The following GDPD5 variants were observed in gnomAD, a reference collection of about 807,000 sequenced individuals.
The protein encoded by GDPD5 is glycerophosphodiester phosphodiesterase domain containing 5, also known as glycerophosphodiester phosphodiesterase 2.
A neutral mutation model predicts 75.1 loss-of-function variants in GDPD5; 48 were observed. That is an observed-to-expected ratio of 0.64 (90% CI 0.51 to 0.81). The LOEUF (loss-of-function observed/expected upper bound fraction) is 0.81, where lower values mean the gene tolerates loss of function less well. Ranked by LOEUF, GDPD5 falls within the 40% of genes least tolerant of loss-of-function variation. The pLI is 0.00. For synonymous variants in GDPD5, 336 were observed against 339.0 expected (o/e 0.99, Z 0.10); for missense variants, 706 against 822.6 (o/e 0.86, Z 1.73).
At position 75,497,575 on chromosome 11, in the gene GDPD5, G is replaced by T. The variant is rs185879516; in HGVS notation, c.-144-7255C>A. Among the ~76,000 whole-genome samples the T allele has an allele frequency of 2.6e-5, 4 of 152,260 alleles. No homozygotes were observed. The East Asian group carries it at 7.7e-4, about 29-fold the overall frequency. ...CTCTCGGCGCCTGCAGGTGCCCCAGGCCTCTGCAGTGGATTGTACGTTAAA... is the reference window on the plus strand; with the variant it reads ...CTCTCGGCGCCTGCAGGTGCCCCAGTCCTCTGCAGTGGATTGTACGTTAAA... On this transcript the variant is annotated intron_variant, in intron 1 of 16. Coordinates refer to ENST00000336898, the MANE Select transcript of GDPD5 (RefSeq NM_030792.8).
At chr11:75,477,466 A>G (rs1205472782) in intron 3 of GDPD5, among the ~76,000 whole-genome samples, 153 bp downstream of exon 3, 1 of 152,220 alleles carries the variant, frequency 6.6e-6, no homozygotes, top group African/African-American at 2.4e-5. Context: ...GAATTACTAT[A>G]AGCCCATTTT....
chr11:75,435,857 C>G (rs1386684886), intron 16 of GDPD5, among the ~76,000 whole-genome samples: 1 of 152,212 alleles, frequency 6.6e-6, no homozygotes, highest in South Asian at 2.1e-4. Context: ...CATCTGCTGT[C>G]CCCTGGGACT....
chr11:75,469,297 G>C lies in GDPD5; in HGVS notation c.118-6408C>G, dbSNP rs1033140606. On this transcript the variant is annotated intron_variant, in intron 3 of 16. Transcript: ENST00000336898. Reference sequence around the variant, plus strand: ...GGCTGTGGGGAACAGAGTCCTGTGTGAGCTCACCATGGCATTGGGGGTGGG... The same window carrying C: ...GGCTGTGGGGAACAGAGTCCTGTGTCAGCTCACCATGGCATTGGGGGTGGG... Among the ~76,000 whole-genome samples, 6 of 152,304 alleles carry C rather than the reference G, an allele frequency of 3.9e-5. No homozygotes were observed. The East Asian group carries it at 1.2e-3, about 29-fold the overall frequency.
chr11:75,439,069 G>A (rs1793405), intron 15 of GDPD5, among the ~76,000 whole-genome samples: 152,112 of 152,292 alleles, frequency 1, 75,966 homozygotes, highest in Middle Eastern at 1. Context: ...GTGCAGAGAG[G>A]GGCCAGGTCA....
At position 75,439,383 on chromosome 11, in the gene GDPD5, A is replaced by AG. The variant is rs1287972670; in HGVS notation, c.1556+495dup. The AG allele has an allele frequency of 1.3e-5, 6 of 456,182 alleles. No individual in the cohort carries two copies. The Admixed American group carries it at 1.4e-4, about 11-fold the overall frequency. 28.3% of individuals were successfully genotyped at this position (456,182 alleles called of 1,614,324 possible). A position where few individuals can be genotyped will look rare whatever the true frequency, so the allele number is the denominator to read the frequency against. ...TGAGATGCCAGAGTGCAGCAGAGAGAGGGGGAGGGGGAGAGAGGAGGGACA... is the reference window on the plus strand; with the variant it reads ...TGAGATGCCAGAGTGCAGCAGAGAGAGGGGGGAGGGGGAGAGAGGAGGGACA... On this transcript the variant is annotated intron_variant, in intron 15 of 16. Transcript: ENST00000336898.
At chr11:75,521,946 A>G (rs540617922) in intron 1 of GDPD5, among the ~76,000 whole-genome samples, 1 of 152,310 alleles carries the variant, frequency 6.6e-6, no homozygotes, top group African/African-American at 2.4e-5. Context: ...ACAGGCCGTA[A>G]GGAGCCACAG....
At chr11:75,436,394 C>G (rs1948625709) in intron 16 of GDPD5, among the ~76,000 whole-genome samples, 1 of 152,170 alleles carries the variant, frequency 6.6e-6, no homozygotes, top group African/African-American at 2.4e-5. Context: ...AAAGCACCTC[C>G]TCTGCATCCT....
At chr11:75,494,795 T>TA (rs1950180467) in intron 1 of GDPD5, among the ~76,000 whole-genome samples, 2 of 150,982 alleles carry the variant, frequency 1.3e-5, no homozygotes, top group Non-Finnish European at 3.0e-5. Flanking sequence ...CTACTAAACA[T>TA]AAAAAAAATA....
intron 6 of GDPD5, among the ~76,000 whole-genome samples, chr11:75,453,300 C>A (rs1478521957): frequency 6.6e-6 from 1 of 152,134 alleles, no homozygotes; most frequent in Non-Finnish European, 1.5e-5. Flanking sequence ...CCAGGGGAAC[C>A]AGAGACTCTC....
In GDPD5 at chr11:75,439,966, G is replaced by A. The variant is rs950099303; in HGVS notation, c.1474-5C>T. 1 of 1,609,940 alleles carries A rather than the reference G, an allele frequency of 6.2e-7. No individual in the cohort carries two copies. The highest frequency in any genetic ancestry group is 8.5e-7 in the Non-Finnish European group (1 of 1,177,006). On this transcript the variant is annotated splice_region_variant and splice_polypyrimidine_tract_variant and intron_variant, in intron 14 of 16. Coordinates refer to ENST00000336898, the MANE Select transcript of GDPD5 (RefSeq NM_030792.8). Reference sequence around the variant, plus strand: ...GAGACAGTACTCGTCCGGGGGCTGTGGACAGACGGCCCGAGGCCAACTTCC... The same window carrying A: ...GAGACAGTACTCGTCCGGGGGCTGTAGACAGACGGCCCGAGGCCAACTTCC...
chr11:75,463,127 T>A (rs1436370490), intron 3 of GDPD5, among the ~76,000 whole-genome samples: 1 of 152,180 alleles, frequency 6.6e-6, no homozygotes, highest in Non-Finnish European at 1.5e-5. Context: ...CCTCCCCCCC[T>A]GGGGCTGTGC....
At chr11:75,474,220 G>C (rs142727366) in intron 3 of GDPD5, among the ~76,000 whole-genome samples, 2 of 152,260 alleles carry the variant, frequency 1.3e-5, no homozygotes, top group Non-Finnish European at 2.9e-5. Flanking sequence ...AGAAGTGCAA[G>C]AATCGGCTAT....
Position 75,435,387 on chromosome 11 carries a change from G to T in GDPD5, c.*120C>A. On this transcript the variant is annotated 3_prime_UTR_variant, in exon 17 of 17. Coordinates refer to ENST00000336898, the MANE Select transcript of GDPD5 (RefSeq NM_030792.8). ...AGGCTGCGGCTGACAAGGGGCTGGA[G>T]CCCACAAGGAGGCTGTGGAGCCCGC... 3.2e-6 allele frequency: 3 copies of T among 927,422 alleles called. No individual in the cohort carries two copies. The highest frequency in any genetic ancestry group is 4.7e-6 in the Non-Finnish European group (3 of 633,444). The allele number at this position is 927,422 out of a possible 1,614,324, so 57.4% of individuals were successfully genotyped here.
At chr11:75,496,955 AT>A (rs980816469) in intron 1 of GDPD5, among the ~76,000 whole-genome samples, 7 of 150,678 alleles carry the variant, frequency 4.6e-5, no homozygotes, top group African/African-American at 1.7e-4. Flanking sequence ...AAATTTTTGT[AT>A]TTTTTTTGTA....
chr11:75,488,377 G>A (rs746630133), intron 2 of GDPD5, among the ~76,000 whole-genome samples: 2 of 152,166 alleles, frequency 1.3e-5, no homozygotes, highest in Non-Finnish European at 2.9e-5. Flanking sequence ...TGGTTCAGCT[G>A]CAGGGGCCAG....
intron 12 of GDPD5, among the ~76,000 whole-genome samples, chr11:75,442,067 C>G (rs2276442): frequency 0.039 from 5,950 of 152,330 alleles, 257 homozygotes; most frequent in African/African-American, 0.11. Flanking sequence ...GCCACTAGCA[C>G]CTAGTGTGCC....
Position 75,441,660 on chromosome 11 carries a change from G to A in GDPD5, c.1311C>T (p.Ser437=). The change falls in exon 13 of 17, where the codon TCC becomes TCT. Residue 437 remains serine, a synonymous_variant. Transcript: ENST00000336898. The part of the protein sequence containing the change: ...QRLNLRYTQV[S]RQELRDYASW... ...AGGGCAGGCACCTGAGCTCCTGGCGGGACACCTGAGTGTAGCGCAGGTTCA... is the reference window on the plus strand; with the variant it reads ...AGGGCAGGCACCTGAGCTCCTGGCGAGACACCTGAGTGTAGCGCAGGTTCA... 1 of 1,587,278 alleles carries A rather than the reference G, an allele frequency of 6.3e-7. No homozygotes were observed. The highest frequency in any genetic ancestry group is 8.6e-7 in the Non-Finnish European group (1 of 1,168,008).
In GDPD5 at chr11:75,525,613, C is replaced by G. The variant is rs1004909679; in HGVS notation, c.-548G>C. 4.6e-5 allele frequency: 7 copies of G among 151,816 alleles called. No individual in the cohort carries two copies. Among genetic ancestry groups the G allele is most frequent in the African/African-American group, 1.7e-4 (7 of 41,380 alleles). 9.4% of individuals were successfully genotyped at this position (151,816 alleles called of 1,614,324 possible). On this transcript the variant is annotated 5_prime_UTR_variant, in exon 1 of 17. Transcript: ENST00000336898. ...CGGTACGGCGGCGTTAGGAGCGTCCCGTCCCGGCGCAGCGGGTCAGGGCCG... is the reference window on the plus strand; with the variant it reads ...CGGTACGGCGGCGTTAGGAGCGTCCGGTCCCGGCGCAGCGGGTCAGGGCCG...
chr11:75,475,712 G>A (rs1406253145), intron 3 of GDPD5, among the ~76,000 whole-genome samples: 1 of 152,184 alleles, frequency 6.6e-6, no homozygotes, highest in Non-Finnish European at 1.5e-5. Context: ...GGTCACCTGA[G>A]GTGAGCTCAG....
Sources: allele counts gnomAD v4.1 joint callset (sites outside exome capture counted in the v4.1 genomes callset), GRCh38; gene constraint gnomAD v4.1.1; transcripts MANE v1.5; gene names NCBI Gene and HGNC (gene_info 2026-07-23, HGNC 2026-07-21).